Variants in UTRN observed in about 807,000 individuals in gnomAD.
UTRN encodes dystrophin-related protein 1.
Under a neutral mutation model 463.9 loss-of-function variants are expected in UTRN, and 283 were observed. The observed-to-expected ratio is 0.61, with a 90% CI of 0.55 to 0.67. The LOEUF is 0.67. Among genes scored for constraint, UTRN ranks in the 30% least tolerant of loss-of-function variants. The pLI is 0.00. For synonymous variants in UTRN, 1,442 were observed against 1,431.5 expected, an observed-to-expected ratio of 1.01 and a Z score of -0.17; for missense variants, 3,922 against 4,084.3, an observed-to-expected ratio of 0.96 and a Z score of 1.08.
chr6:144,554,997 C>A, intron 49 of UTRN, 104 bp downstream of exon 49: 1 of 1,339,196 alleles, frequency 7.5e-7, no homozygotes, highest in East Asian at 2.5e-5. Flanking sequence ...ATGTTTTTTC[C>A]TAAGTTCTTA....
intron 55 of UTRN, among the ~76,000 whole-genome samples, chr6:144,749,935 A>G (rs933810032): frequency 3.3e-5 from 5 of 152,154 alleles, no homozygotes; most frequent in African/African-American, 1.2e-4. Flanking sequence ...ATTTTCTGGC[A>G]TTTCATTTTT....
At chr6:144,508,386 C>T (rs1794872143) in intron 34 of UTRN, among the ~76,000 whole-genome samples, 1 of 152,160 alleles carries the variant, frequency 6.6e-6, no homozygotes, top group Admixed American at 6.5e-5. Flanking sequence ...ATGTAGGCAC[C>T]TGAGGGAATC....
At chr6:144,540,408 A>G (rs991429389) in intron 45 of UTRN, among the ~76,000 whole-genome samples, 33 of 152,284 alleles carry the variant, frequency 2.2e-4, no homozygotes, top group Middle Eastern at 3.4e-3. Flanking sequence ...GGTAGCCATT[A>G]TCCTATAGCT....
At chr6:144,635,535 C>CTTTTTTTTTTTTTTTTTTT (rs1219903798) in intron 51 of UTRN, among the ~76,000 whole-genome samples, 1 of 33,186 alleles carries the variant, frequency 3.0e-5, no homozygotes, top group Non-Finnish European at 5.3e-5. Context: ...TTTTTCTTTT[C>CTTTTTTTTTTTTTTTTTTT]TTTTTTTTTT....
intron 15 of UTRN, 121 bp from the exon 16 acceptor site, chr6:144,447,480 AT>A (rs1488945979): frequency 7.5e-7 from 1 of 1,324,980 alleles, no homozygotes; most frequent in African/African-American, 1.5e-5. Flanking sequence ...ACCTTTTAGC[AT>A]AGTGAACTGC....
intron 41 of UTRN, among the ~76,000 whole-genome samples, chr6:144,530,242 C>G (rs961371976): frequency 6.6e-6 from 1 of 152,200 alleles, no homozygotes; most frequent in African/African-American, 2.4e-5. Flanking sequence ...CTAGTGAGGT[C>G]TCTCTTACTG....
chr6:144,724,316 C>T (rs1238194783), intron 53 of UTRN, among the ~76,000 whole-genome samples: 1 of 148,916 alleles, frequency 6.7e-6, no homozygotes, highest in African/African-American at 2.5e-5. Flanking sequence ...GCAACCTCTG[C>T]CTCCCGAGTT....
chr6:144,351,636 G>C (rs901112409), intron 2 of UTRN, among the ~76,000 whole-genome samples: 1 of 152,190 alleles, frequency 6.6e-6, no homozygotes, highest in African/African-American at 2.4e-5. Context: ...GCACGCAGCC[G>C]CCTCCCCTAT....
chr6:144,736,822 GGC>G (rs1789463019), intron 54 of UTRN, among the ~76,000 whole-genome samples: 2 of 152,198 alleles, frequency 1.3e-5, no homozygotes, highest in Admixed American at 1.3e-4. Context: ...CTGGGAGCCA[GGC>G]TCCTCACTAC....
intron 27 of UTRN, among the ~76,000 whole-genome samples, chr6:144,482,795 G>A (rs1264894569): frequency 6.6e-6 from 1 of 152,076 alleles, no homozygotes; most frequent in Non-Finnish European, 1.5e-5. Flanking sequence ...ACATAGAGAG[G>A]AATTATTTTC....
intron 30 of UTRN, 82 bp downstream of exon 30, chr6:144,488,916 GC>G: frequency 7.6e-7 from 1 of 1,319,792 alleles, no homozygotes; most frequent in Non-Finnish European, 9.9e-7. Context: ...AACCCCTCCT[GC>G]TCTCCAAAAC....
intron 54 of UTRN, among the ~76,000 whole-genome samples, chr6:144,738,519 C>A (rs1200257225): frequency 1.3e-5 from 2 of 152,200 alleles, no homozygotes; most frequent in Non-Finnish European, 2.9e-5. Flanking sequence ...CAGATGCAGG[C>A]AGGCAGGCAC....
intron 19 of UTRN, among the ~76,000 whole-genome samples, chr6:144,456,481 C>T (rs547321466): frequency 7.5e-4 from 114 of 151,960 alleles, no homozygotes; most frequent in Non-Finnish European, 1.4e-3. Flanking sequence ...GGTGAAACCT[C>T]GTCTCTACTA....
intron 43 of UTRN, among the ~76,000 whole-genome samples, chr6:144,534,535 AT>A (rs1486396445): frequency 6.6e-6 from 1 of 152,232 alleles, no homozygotes; most frequent in East Asian, 1.9e-4. Flanking sequence ...TGTTTGGAAA[AT>A]GTGCATGCCT....
chr6:144,659,156 A>C (rs191785269), intron 51 of UTRN, among the ~76,000 whole-genome samples: 1 of 151,992 alleles, frequency 6.6e-6, no homozygotes, highest in Non-Finnish European at 1.5e-5. Flanking sequence ...TTTTCTTTTC[A>C]TGGGTTGGCT....
intron 9 of UTRN, among the ~76,000 whole-genome samples, chr6:144,433,950 G>T (rs1266598844): frequency 6.6e-6 from 1 of 152,230 alleles, no homozygotes; most frequent in Non-Finnish European, 1.5e-5. Flanking sequence ...TGGCAGCCGG[G>T]CAGAGGCTGC....
At chr6:144,769,732 G>A (rs1793790567) in intron 58 of UTRN, among the ~76,000 whole-genome samples, 2 of 152,256 alleles carry the variant, frequency 1.3e-5, no homozygotes, top group South Asian at 4.1e-4. Flanking sequence ...CCATCATGAT[G>A]GGATGTCTGT....
At chr6:144,831,163 A>G (rs1189562452) in intron 69 of UTRN, among the ~76,000 whole-genome samples, 1 of 152,104 alleles carries the variant, frequency 6.6e-6, no homozygotes, top group African/African-American at 2.4e-5. Flanking sequence ...AAACAGAATG[A>G]TGGCCCCCCA....
At chr6:144,819,911 C>CCTCT (rs1554406067) in intron 65 of UTRN, among the ~76,000 whole-genome samples, 1,557 of 117,488 alleles carry the variant, frequency 0.013, 19 homozygotes, top group East Asian at 0.032. Context: ...TCCTCCTCCT[C>CCTCT]CTCTCTCTCT....
Sources: gnomAD v4.1 joint callset for allele counts (sites outside exome capture counted in the v4.1 genomes callset) on GRCh38, gnomAD v4.1.1 for gene constraint, MANE v1.5 for transcripts, NCBI Gene and HGNC (gene_info 2026-07-23, HGNC 2026-07-21) for gene names.